The following ADAM12 variants were observed in gnomAD, a reference collection of about 807,000 sequenced individuals.
ADAM12 encodes ADAM metallopeptidase domain 12.
Under a neutral mutation model 106.4 loss-of-function variants are expected in ADAM12, and 70 were observed. That is an observed-to-expected ratio of 0.66 (90% confidence interval 0.54 to 0.80). ADAM12 has a LOEUF of 0.80. Among genes scored for constraint, ADAM12 ranks in the 30% least tolerant of loss-of-function variants. ADAM12 has a pLI of 0.00. For missense variants in ADAM12, 1,010 were observed against 1,171.9 expected, an observed-to-expected ratio of 0.86 and a Z score of 2.02; for synonymous variants, 420 against 433.5, an observed-to-expected ratio of 0.97 and a Z score of 0.39.
chr10:126,231,575 G>T (rs575994789), intron 3 of ADAM12, among the ~76,000 whole-genome samples: 1 of 152,086 alleles, frequency 6.6e-6, no homozygotes, highest in South Asian at 2.1e-4. Context: ...TTGCCCTGGC[G>T]CAGGACTCCT....
At chr10:126,155,445 A>AAT in intron 3 of ADAM12, 140 bp from the exon 4 acceptor site, 1 of 702,936 alleles carries the variant, frequency 1.4e-6, no homozygotes, top group Non-Finnish European at 2.3e-6. Flanking sequence ...AGCTCCCATT[A>AAT]GGGCCTTCCC....
intron 3 of ADAM12, among the ~76,000 whole-genome samples, chr10:126,249,309 A>T (rs1343409759): frequency 1.3e-5 from 2 of 152,186 alleles, no homozygotes; most frequent in African/African-American, 4.8e-5. Flanking sequence ...CTAGACCACA[A>T]AGAGGGCAGT....
intron 3 of ADAM12, among the ~76,000 whole-genome samples, chr10:126,259,770 C>G (rs1958963880): frequency 6.6e-6 from 1 of 152,190 alleles, no homozygotes; most frequent in Non-Finnish European, 1.5e-5. Context: ...GATGATCACT[C>G]CTAAAAAAAG....
chr10:126,381,454 T>C (rs11244972), intron 1 of ADAM12, among the ~76,000 whole-genome samples: 41,796 of 151,982 alleles, frequency 0.28, 6,524 homozygotes, highest in Middle Eastern at 0.43. Flanking sequence ...CCTGAGGCAA[T>C]AGAGTGAGAT....
intron 3 of ADAM12, among the ~76,000 whole-genome samples, chr10:126,232,680 T>C (rs1958335341): frequency 6.6e-6 from 1 of 152,144 alleles, no homozygotes; most frequent in Non-Finnish European, 1.5e-5. Flanking sequence ...TCAGTCTTTT[T>C]CTCTTAGATA....
rs1296469568 is a variant in ADAM12 at position 126,015,953 on chromosome 10, A to C, written c.*1326T>G. The C allele has an allele frequency of 1.3e-5, 2 of 152,166 alleles. No homozygotes were observed. The highest frequency in any genetic ancestry group is 4.8e-5 in the African/African-American group (2 of 41,442). 9.4% of individuals were successfully genotyped at this position (152,166 alleles called of 1,614,324 possible). A position where few individuals can be genotyped will look rare whatever the true frequency, so the allele number is the denominator to read the frequency against. ...TGAAGAGTTCAAGGGGATGCTGCCC[A>C]AGCCAGCATCTCATAATATTTAGGA... On this transcript the variant is annotated 3_prime_UTR_variant, in exon 23 of 23. Transcript: ENST00000448723.
intron 1 of ADAM12, among the ~76,000 whole-genome samples, chr10:126,373,905 G>A (rs1564763166): frequency 6.6e-6 from 1 of 152,204 alleles, no homozygotes; most frequent in Non-Finnish European, 1.5e-5. Flanking sequence ...GAAACCATGA[G>A]TTCAGTAACA....
chr10:126,262,585 C>T (rs1959023310), intron 3 of ADAM12, among the ~76,000 whole-genome samples: 1 of 152,040 alleles, frequency 6.6e-6, no homozygotes, highest in African/African-American at 2.4e-5. Flanking sequence ...ATTTTTGTGA[C>T]CTACAGTGAA....
At chr10:126,232,890 C>A (rs1378967881) in intron 3 of ADAM12, among the ~76,000 whole-genome samples, 1 of 151,968 alleles carries the variant, frequency 6.6e-6, no homozygotes, top group Non-Finnish European at 1.5e-5. Flanking sequence ...AGGATGGGGA[C>A]AAAGAGGAGT....
chr10:126,301,666 A>G (rs1260681790), intron 2 of ADAM12, among the ~76,000 whole-genome samples: 2 of 152,150 alleles, frequency 1.3e-5, no homozygotes, highest in Non-Finnish European at 2.9e-5. Context: ...GTAGGATGTG[A>G]CCAGCTGGTA....
At chr10:126,130,327 CT>C (rs1956281955) in intron 5 of ADAM12, among the ~76,000 whole-genome samples, 2 of 152,124 alleles carry the variant, frequency 1.3e-5, no homozygotes, top group Admixed American at 6.5e-5. Context: ...CGGAATTTCT[CT>C]GTTGATGCAC....
At chr10:126,348,400 T>C (rs1590811175) in intron 1 of ADAM12, among the ~76,000 whole-genome samples, 1 of 151,838 alleles carries the variant, frequency 6.6e-6, no homozygotes, top group East Asian at 1.9e-4. Flanking sequence ...CGTGGGAGGA[T>C]GGGGGAGGGA....
At chr10:126,324,323 G>A (rs1854214345) in intron 2 of ADAM12, among the ~76,000 whole-genome samples, 1 of 152,168 alleles carries the variant, frequency 6.6e-6, no homozygotes, top group Non-Finnish European at 1.5e-5. Context: ...AGGGGACATG[G>A]GGACAGAACA....
Position 126,130,607 on chromosome 10 carries a change from T to C in ADAM12, c.416+4977A>G, listed in dbSNP as rs1307713085. Among the ~76,000 whole-genome samples the C allele has an allele frequency of 3.9e-5, 6 of 152,198 alleles. No homozygotes were observed. The East Asian group carries it at 1.2e-3, about 29-fold the overall frequency. On this transcript the variant is annotated intron_variant, in intron 5 of 22. Transcript: ENST00000448723. ...GGGGTGGATGTGGAGACTCAGACAC[T>C]GCAGAGTCTGGCCAGCGAGGTCGTC...
chr10:126,203,478 A>G (rs1957737851), intron 3 of ADAM12, among the ~76,000 whole-genome samples: 1 of 152,242 alleles, frequency 6.6e-6, no homozygotes, highest in Admixed American at 6.5e-5. Context: ...ATTATGTTTT[A>G]CACATTTCAG....
intron 3 of ADAM12, among the ~76,000 whole-genome samples, chr10:126,181,044 A>G (rs2133783287): frequency 6.6e-6 from 1 of 152,092 alleles, no homozygotes; most frequent in Non-Finnish European, 1.5e-5. Context: ...AATCTAGCAG[A>G]TATAAAAGCA....
At chr10:126,074,341 G>A (rs1313871866) in intron 11 of ADAM12, among the ~76,000 whole-genome samples, 1 of 152,206 alleles carries the variant, frequency 6.6e-6, no homozygotes, top group African/African-American at 2.4e-5. Flanking sequence ...AGGGATTGGA[G>A]AGCTGAGACC....
chr10:126,228,792 T>C (rs1309030598), intron 3 of ADAM12, among the ~76,000 whole-genome samples: 1 of 152,214 alleles, frequency 6.6e-6, no homozygotes, highest in East Asian at 1.9e-4. Flanking sequence ...CCCATGTAGC[T>C]GAAGCTTCTG....
At chr10:126,257,899 G>A (rs558949933) in intron 3 of ADAM12, among the ~76,000 whole-genome samples, 22 of 152,154 alleles carry the variant, frequency 1.4e-4, no homozygotes, top group African/African-American at 5.1e-4. Context: ...TCTGGACAAC[G>A]GTGGTGTCTT....
Sources: gnomAD v4.1 joint callset for allele counts (sites outside exome capture counted in the v4.1 genomes callset) on GRCh38, gnomAD v4.1.1 for gene constraint, MANE v1.5 for transcripts, NCBI Gene and HGNC (gene_info 2026-07-23, HGNC 2026-07-21) for gene names.